ATP10B: variants seen among roughly 807,000 people sequenced by gnomAD.
ATP10B encodes ATPase phospholipid transporting 10B (putative).
A neutral mutation model predicts 141.2 loss-of-function variants in ATP10B; 122 were observed. The observed-to-expected ratio is 0.86, with a 90% CI of 0.75 to 1.00. The LOEUF is 1.00. Ranked by LOEUF, ATP10B falls within the 50% of genes least tolerant of loss-of-function variation. The pLI is 0.00. For synonymous variants in ATP10B, 685 were observed against 692.0 expected (o/e 0.99, Z 0.16); for missense variants, 1,876 against 1,825.3 (o/e 1.03, Z -0.51).
At chr5:160,794,071 CTG>C (rs754493956) in intron 1 of ATP10B, among the ~76,000 whole-genome samples, 14 of 152,176 alleles carry the variant, frequency 9.2e-5, no homozygotes, top group African/African-American at 3.1e-4. Context: ...TGACATGTGA[CTG>C]TAATTTTTTT....
At chr5:160,867,779 G>A in the ATP10B span, among the ~76,000 whole-genome samples, 599 of 152,132 alleles carry the variant, frequency 3.9e-3, 2 homozygotes, top group Admixed American at 7.0e-3. Flanking sequence ...TTTTAACTGT[G>A]GATTTGGGAA....
Position 160,606,918 on chromosome 5 carries a change from A to G in ATP10B, c.3007T>C (p.Leu1003=). 1 of 1,614,156 alleles carries G rather than the reference A, an allele frequency of 6.2e-7. No homozygotes were observed. The highest frequency in any genetic ancestry group is 8.5e-7 in the Non-Finnish European group (1 of 1,180,028). ...EAGLVIDGKT[L]NAIFQGKLEK... Reference sequence around the variant, plus strand: ...AGCTTTCCCTGGAAGATGGCATTCAATGTCTTCCCATCGATGACCAATCCA... The same window carrying G: ...AGCTTTCCCTGGAAGATGGCATTCAGTGTCTTCCCATCGATGACCAATCCA... Residue 1003 remains leucine, a synonymous_variant, in exon 19 of 26, where the codon TTG becomes CTG. Coordinates refer to ENST00000327245, the MANE Select transcript of ATP10B (RefSeq NM_025153.3).
Position 160,620,518 on chromosome 5 carries a change from G to A in ATP10B, c.2245C>T (p.Arg749Cys), listed in dbSNP as rs752017849. The A allele has an allele frequency of 1.9e-5, 30 of 1,613,978 alleles. No homozygotes were observed. Among genetic ancestry groups the A allele is most frequent in the Middle Eastern group, 1.6e-4 (1 of 6,084 alleles). Residue 749 changes from arginine (R) to cysteine (C), a missense_variant, in exon 15 of 26, where the codon CGC (arginine) becomes TGC (cysteine). By Grantham distance (180) the Arg-to-Cys change is radical (BLOSUM62 -3). Transcript: ENST00000327245. The stretch of plus-strand genomic sequence containing the variant: ...GTGAGGCAGGTGCCCTGGGGCAGGC[G>A]CACAGTCACCTGCTCAGGTGTCCGG... ...VSRTPEQVTV[R>C]LPQGTCLTFS...
the ATP10B span, among the ~76,000 whole-genome samples, chr5:160,913,201 T>C: frequency 6.6e-6 from 1 of 152,232 alleles, no homozygotes; most frequent in African/African-American, 2.4e-5. Flanking sequence ...CCAATTCTGG[T>C]CCCAGCTCTG....
At chr5:160,899,020 G>A in the ATP10B span, among the ~76,000 whole-genome samples, 1 of 151,972 alleles carries the variant, frequency 6.6e-6, no homozygotes, top group Non-Finnish European at 1.5e-5. Context: ...GGGAGGGATA[G>A]CATTAGGGGA....
At chr5:160,785,529 A>G in intron 2 of ATP10B, 30 bp downstream of exon 2, 1 of 510,846 alleles carries the variant, frequency 2.0e-6, no homozygotes, top group Non-Finnish European at 3.6e-6. Flanking sequence ...GCTTCTAATG[A>G]CCCCACTGCC....
intron 1 of ATP10B, among the ~76,000 whole-genome samples, chr5:160,821,501 A>C (rs1229047209): frequency 1.3e-5 from 2 of 152,146 alleles, no homozygotes; most frequent in Non-Finnish European, 2.9e-5. Context: ...CTTTACAGAA[A>C]TATAAAAAAA....
In ATP10B at chr5:160,620,021, T is replaced by C. The variant is rs1028079278; in HGVS notation, c.2416+326A>G. Among the ~76,000 whole-genome samples the C allele has an allele frequency of 1.8e-4, 28 of 152,330 alleles. 1 individual carries two copies. The highest frequency in any genetic ancestry group is 6.0e-4 in the African/African-American group (25 of 41,568). ...GACCACAATGTGTTCCATGGTAAGA[T>C]AATGGATGTTCTAGTGCAAAAGACT... On this transcript the variant is annotated intron_variant, in intron 15 of 25. Coordinates refer to ENST00000327245, the MANE Select transcript of ATP10B (RefSeq NM_025153.3).
At chr5:160,771,830 G>A (rs1157918160) in intron 2 of ATP10B, among the ~76,000 whole-genome samples, 1 of 152,188 alleles carries the variant, frequency 6.6e-6, no homozygotes, top group Non-Finnish European at 1.5e-5. Context: ...CAAGATTCCT[G>A]GCTCCTGTTT....
At chr5:160,864,221 A>G in the ATP10B span, among the ~76,000 whole-genome samples, 2 of 151,960 alleles carry the variant, frequency 1.3e-5, no homozygotes, top group Admixed American at 1.3e-4. Flanking sequence ...ATCCAACAGC[A>G]TATTACATCA....
In ATP10B at chr5:160,688,063, TGA is replaced by T; in HGVS notation, c.10_11del (p.Val5GlyfsTer83). The T allele has an allele frequency of 6.2e-7, 1 of 1,612,266 alleles. No homozygotes were observed. Among genetic ancestry groups the T allele is most frequent in the African/African-American group, 1.3e-5 (1 of 74,936 alleles). ...GCCACCGATGCCACGATGAGTCCACTGAGAGGGCCATTTCCAGCAGCAGGCGA... is the reference window on the plus strand; with the variant it reads ...GCCACCGATGCCACGATGAGTCCACTGAGGGCCATTTCCAGCAGCAGGCGA... MAL[S>X]VDSSWHRWQW... On this transcript the variant is annotated frameshift_variant, in exon 5 of 26. Coordinates refer to ENST00000327245, the MANE Select transcript of ATP10B (RefSeq NM_025153.3). LOFTEE classifies it high-confidence loss of function.
intron 2 of ATP10B, among the ~76,000 whole-genome samples, chr5:160,774,652 G>C (rs181189177): frequency 6.6e-6 from 1 of 152,172 alleles, no homozygotes; most frequent in Non-Finnish European, 1.5e-5. Context: ...CCTGGTCCAC[G>C]AAGGACTTAT....
intron 3 of ATP10B, among the ~76,000 whole-genome samples, chr5:160,708,832 T>C (rs6556517): frequency 0.84 from 128,002 of 152,210 alleles, 53,953 homozygotes; most frequent in East Asian, 0.9. Flanking sequence ...TTTATCTGCA[T>C]AATGACAACA....
At chr5:160,768,882 G>C (rs1165119388) in intron 2 of ATP10B, among the ~76,000 whole-genome samples, 1 of 152,180 alleles carries the variant, frequency 6.6e-6, no homozygotes, top group African/African-American at 2.4e-5. Flanking sequence ...GAGAGGTACT[G>C]GGGATGCAGA....
At chr5:160,603,610 GCAGCTTCC>G (rs1757220510) in intron 20 of ATP10B, 4 of 261,262 alleles carry the variant, frequency 1.5e-5, no homozygotes, top group Non-Finnish European at 3.0e-5. Flanking sequence ...GAACTATTCT[GCAGCTTCC>G]CAGTCAATGC....
At chr5:160,820,888 A>T (rs924010852) in intron 1 of ATP10B, among the ~76,000 whole-genome samples, 1 of 152,102 alleles carries the variant, frequency 6.6e-6, no homozygotes, top group Non-Finnish European at 1.5e-5. Context: ...GAAGGAACAT[A>T]CCTCAACATA....
At chr5:160,671,730 T>C (rs2127726984) in intron 6 of ATP10B, among the ~76,000 whole-genome samples, 1 of 152,320 alleles carries the variant, frequency 6.6e-6, no homozygotes, top group African/African-American at 2.4e-5. Flanking sequence ...CATTAACATT[T>C]CATTTACTTT....
the ATP10B span, among the ~76,000 whole-genome samples, chr5:160,860,961 C>T: frequency 6.6e-6 from 1 of 151,938 alleles, no homozygotes; most frequent in Non-Finnish European, 1.5e-5. Context: ...ACCCAAACTG[C>T]TTCAGTAGGT....
At chr5:160,787,050 T>G (rs1771204034) in intron 1 of ATP10B, among the ~76,000 whole-genome samples, 1 of 148,806 alleles carries the variant, frequency 6.7e-6, no homozygotes, top group Non-Finnish European at 1.5e-5. Flanking sequence ...CTAAACAGAG[T>G]TCACAAAGAG....
Sources: gnomAD v4.1 joint callset for allele counts (sites outside exome capture counted in the v4.1 genomes callset) on GRCh38, gnomAD v4.1.1 for gene constraint, MANE v1.5 for transcripts, NCBI Gene and HGNC (gene_info 2026-07-23, HGNC 2026-07-21) for gene names.